Variants in TMEM150C observed in about 807,000 individuals in gnomAD.
TMEM150C encodes the protein tentonin 3.
In TMEM150C, 10 loss-of-function variants were observed where a neutral mutation model predicts 29.9. The ratio of observed to expected loss-of-function variants is 0.33; its 90% confidence interval spans 0.21 to 0.57. The LOEUF (loss-of-function observed/expected upper bound fraction) is 0.57. Ranked by LOEUF, TMEM150C falls within the 20% of genes least tolerant of loss-of-function variation. The pLI is 0.88. For missense variants in TMEM150C, 251 were observed against 303.6 expected (o/e 0.83, Z 1.29); for synonymous variants, 101 against 112.5 (o/e 0.90, Z 0.64).
At position 82,503,049 on chromosome 4, in the gene TMEM150C, T is replaced by C. The variant is rs200185566; in HGVS notation, c.134+10A>G. On this transcript the variant is annotated intron_variant, in intron 3 of 7. Transcript: ENST00000449862. ...TGATGAACAACGAATTACCCACAGA[T>C]AAACTTTACCTTTCAGCTGAATTTA... 4.0e-5 allele frequency: 65 copies of C among 1,612,672 alleles called. 1 individual carries two copies. The East Asian group carries it at 1.3e-3, about 33-fold the overall frequency.
At chr4:82,498,274 C>T (rs778402367) in intron 5 of TMEM150C, among the ~76,000 whole-genome samples, 4 of 151,900 alleles carry the variant, frequency 2.6e-5, no homozygotes, top group Non-Finnish European at 5.9e-5. Flanking sequence ...CTCAGCCTCC[C>T]AAAGTGCTGG....
chr4:82,524,777 G>A (rs1338942878), intron 1 of TMEM150C, among the ~76,000 whole-genome samples: 1 of 152,178 alleles, frequency 6.6e-6, no homozygotes, highest in Non-Finnish European at 1.5e-5. Context: ...GTCCTACAAA[G>A]CCCAGAGTAA....
chr4:82,546,766 G>A (rs1478305434), intron 1 of TMEM150C, among the ~76,000 whole-genome samples: 1 of 152,124 alleles, frequency 6.6e-6, no homozygotes, highest in Admixed American at 6.5e-5. Flanking sequence ...GGTGGAGGTT[G>A]CAGTGAGCCA....
intron 1 of TMEM150C, among the ~76,000 whole-genome samples, chr4:82,532,452 G>A (rs1015631055): frequency 8.5e-5 from 13 of 152,244 alleles, no homozygotes; most frequent in South Asian, 4.1e-4. Context: ...AAGTAAAAGC[G>A]ACAATCAATG....
chr4:82,558,426 T>A (rs928603353), intron 1 of TMEM150C, among the ~76,000 whole-genome samples: 6 of 152,146 alleles, frequency 3.9e-5, no homozygotes, highest in Non-Finnish European at 8.8e-5. Flanking sequence ...AATATTAATT[T>A]CTCACTTAGT....
chr4:82,495,499 C>T, intron 6 of TMEM150C: 1 of 378,772 alleles, frequency 2.6e-6, no homozygotes, highest in Non-Finnish European at 5.1e-6. Context: ...ACGAGGCACC[C>T]TAGTATCAGT....
intron 5 of TMEM150C, among the ~76,000 whole-genome samples, chr4:82,496,457 CAG>C (rs538351884): frequency 1.3e-5 from 2 of 152,136 alleles, no homozygotes; most frequent in Non-Finnish European, 2.9e-5. Flanking sequence ...CTGGGGAAAG[CAG>C]AGAGGCAGAG....
intron 7 of TMEM150C, among the ~76,000 whole-genome samples, chr4:82,489,061 G>A (rs1723248559): frequency 7.1e-6 from 1 of 141,086 alleles, no homozygotes; most frequent in African/African-American, 2.7e-5. Context: ...CGGATTTTTA[G>A]ATTTTTTTTT....
At chr4:82,492,113 G>GT (rs761436811) in intron 6 of TMEM150C, among the ~76,000 whole-genome samples, 13 of 108,214 alleles carry the variant, frequency 1.2e-4, no homozygotes, top group Non-Finnish European at 1.8e-4. Flanking sequence ...CTAAATAATT[G>GT]TTTTTTGTTG....
At chr4:82,550,028 A>C (rs1025372839) in intron 1 of TMEM150C, among the ~76,000 whole-genome samples, 3 of 152,172 alleles carry the variant, frequency 2.0e-5, no homozygotes, top group Non-Finnish European at 2.9e-5. Context: ...CTCTGAGGAA[A>C]GGAGGTTGAT....
chr4:82,507,866 G>A (rs1723990762), intron 1 of TMEM150C, among the ~76,000 whole-genome samples: 1 of 147,638 alleles, frequency 6.8e-6, no homozygotes, highest in African/African-American at 2.5e-5. Flanking sequence ...TCCCACCTCA[G>A]CCCCCAAGTA....
chr4:82,533,352 T>A (rs1393160754), intron 1 of TMEM150C, among the ~76,000 whole-genome samples: 1 of 152,188 alleles, frequency 6.6e-6, no homozygotes, highest in Non-Finnish European at 1.5e-5. Flanking sequence ...TATGCTCAAA[T>A]ATGGAAAATT....
intron 1 of TMEM150C, among the ~76,000 whole-genome samples, chr4:82,548,462 C>G (rs1725456522): frequency 1.3e-5 from 2 of 151,944 alleles, no homozygotes; most frequent in South Asian, 2.1e-4. Flanking sequence ...CAAGGGGCAG[C>G]AGGGTGTTGT....
At chr4:82,500,869 T>A (rs1175955665) in intron 5 of TMEM150C, among the ~76,000 whole-genome samples, 1 of 152,250 alleles carries the variant, frequency 6.6e-6, no homozygotes, top group Non-Finnish European at 1.5e-5. Flanking sequence ...GGTGACAGCT[T>A]TTTTATATTT....
At chr4:82,556,980 G>C (rs549647289) in intron 1 of TMEM150C, among the ~76,000 whole-genome samples, 2 of 152,280 alleles carry the variant, frequency 1.3e-5, no homozygotes, top group African/African-American at 4.8e-5. Flanking sequence ...CCCTTCCAGA[G>C]GAGGGGAACC....
At chr4:82,533,702 G>C (rs1216707800) in intron 1 of TMEM150C, among the ~76,000 whole-genome samples, 1 of 152,094 alleles carries the variant, frequency 6.6e-6, no homozygotes, top group Admixed American at 6.6e-5. Flanking sequence ...TAAGTACTTT[G>C]ATAATTTTTT....
intron 1 of TMEM150C, among the ~76,000 whole-genome samples, chr4:82,508,053 G>T (rs537798739): frequency 3.9e-5 from 6 of 152,120 alleles, no homozygotes; most frequent in Admixed American, 2.0e-4. Flanking sequence ...TGCTGCCTGA[G>T]AATTAAAGTT....
At chr4:82,508,668 G>A (rs527366575) in intron 1 of TMEM150C, among the ~76,000 whole-genome samples, 53 of 152,234 alleles carry the variant, frequency 3.5e-4, no homozygotes, top group Non-Finnish European at 6.2e-4. Context: ...GTTTCACCAT[G>A]TTGGCCAGGC....
At position 82,526,928 on chromosome 4, in the gene TMEM150C, C is replaced by T. The variant is rs577493155; in HGVS notation, c.-10-22261G>A. 2.6e-5 allele frequency among the ~76,000 whole-genome samples: 4 copies of T among 152,028 alleles called. No individual in the cohort carries two copies. The East Asian group carries it at 5.8e-4, about 22-fold the overall frequency. On this transcript the variant is annotated intron_variant, in intron 1 of 7. Coordinates refer to ENST00000449862, the MANE Select transcript of TMEM150C (RefSeq NM_001080506.3). ...GATTTTGTCTCCCCTGGCATGTCTT[C>T]CCCGTGTAATTCTTACCCATCTTTC...
Sources: allele counts gnomAD v4.1 joint callset (sites outside exome capture counted in the v4.1 genomes callset), GRCh38; gene constraint gnomAD v4.1.1; transcripts MANE v1.5; gene names NCBI Gene and HGNC (gene_info 2026-07-23, HGNC 2026-07-21).